NTRK1: variants seen among roughly 807,000 people sequenced by gnomAD.
NTRK1 encodes high affinity nerve growth factor receptor.
In NTRK1, 62 loss-of-function variants were observed where a neutral mutation model predicts 86.8. That is an observed-to-expected ratio of 0.71 (90% CI 0.58 to 0.88). NTRK1 has a LOEUF of 0.88. Ranked by LOEUF, NTRK1 falls within the 40% of genes least tolerant of loss-of-function variation. NTRK1 has a pLI of 0.00. For missense variants in NTRK1, 967 were observed against 1,078.4 expected (o/e 0.90, Z 1.45); for synonymous variants, 469 against 456.6 (o/e 1.03, Z -0.35).
rs569053920 is a variant in NTRK1, at chr1:156,853,905, G to A, written c.51-10449G>A. On this transcript the variant is annotated intron_variant, in intron 2 of 16. Coordinates refer to the NTRK1 transcript ENST00000392302. ...TTGCCCACGATGTGGTTGGCGCCAG[G>A]TGCTGGCTGCAGCAGTCCCCAGTCA... The A allele has an allele frequency of 2.2e-5, 35 of 1,614,158 alleles. No homozygotes were observed. The highest frequency in any genetic ancestry group is 3.0e-5 in the Non-Finnish European group (35 of 1,180,040).
chr1:156,853,772 G>T (rs776212841), intron 2 of NTRK1: 1 of 1,603,384 alleles, frequency 6.2e-7, no homozygotes, highest in Non-Finnish European at 8.5e-7. Context: ...GTGGCTGGAG[G>T]TCCAGCATCT....
At chr1:156,875,965 G>A (rs1647877066) in intron 12 of NTRK1, 115 bp from the exon 13 acceptor site, 4 of 1,507,398 alleles carry the variant, frequency 2.7e-6, no homozygotes, top group African/African-American at 1.4e-5. Context: ...TAGCCCCCAT[G>A]CAGTCCCTCG....
intron 2 of NTRK1, chr1:156,844,571 G>GAA: frequency 6.2e-7 from 1 of 1,614,160 alleles, no homozygotes; most frequent in South Asian, 1.1e-5. Context: ...GGGCCAGGTG[G>GAA]ACTCCCCCAA....
chr1:156,864,971 C>G (rs1198520615), intron 3 of NTRK1, 172 bp downstream of exon 3: 10 of 688,344 alleles, frequency 1.5e-5, no homozygotes, highest in Non-Finnish European at 2.6e-5. Flanking sequence ...GGATGGCATG[C>G]TCTCGCCCCT....
Position 156,860,962 on chromosome 1 carries a change from C to T in NTRK1, c.28C>T (p.Leu10Phe), listed in dbSNP as rs1655615857. Residue 10 changes from leucine (L) to phenylalanine (F), a missense_variant, in exon 1 of 17, where the codon CTT (leucine) becomes TTT (phenylalanine). By Grantham distance (22) the Leu-to-Phe change is conservative. Coordinates refer to ENST00000524377, the MANE Select transcript of NTRK1 (RefSeq NM_002529.4). ...GCTGCGAGGCGGACGGCGCGGGCAG[C>T]TTGGCTGGCACAGCTGGGCTGCGGG... MLRGGRRGQLGWHSWAAGPG... is the reference protein window; with the variant it reads MLRGGRRGQFGWHSWAAGPG... 1 of 1,508,138 alleles carries T rather than the reference C, an allele frequency of 6.6e-7. No homozygotes were observed. The highest frequency in any genetic ancestry group is 8.8e-7 in the Non-Finnish European group (1 of 1,136,268). The allele number at this position is 1,508,138 out of a possible 1,614,324, so 93.4% of individuals were successfully genotyped here.
In NTRK1 at chr1:156,854,288, T is replaced by C. The variant is rs765987467; in HGVS notation, c.51-10066T>C. ...AAGCTCTGCCACCTCTGAGCGAATA[T>C]CCAGGCTGGGGCACACTGTGGGCAT... On this transcript the variant is annotated intron_variant, in intron 2 of 16. Transcript: ENST00000392302. The surrounding 1 kb of genome is among the most constrained non-coding windows in gnomAD (Gnocchi z 4.2). The C allele has an allele frequency of 1.9e-6, 3 of 1,611,650 alleles. No homozygotes were observed. The Middle Eastern group carries it at 5.0e-4, about 267-fold the overall frequency.
At chr1:156,867,076 A>T (rs1327895150) in intron 4 of NTRK1, 98 bp downstream of exon 4, 26 of 1,266,226 alleles carry the variant, frequency 2.1e-5, no homozygotes, top group Non-Finnish European at 2.9e-5. Context: ...TGTCTGTGTG[A>T]CACTGCTGGG....
intron 1 of NTRK1, chr1:156,816,784 A>G: frequency 7.3e-7 from 1 of 1,362,890 alleles, no homozygotes; most frequent in Admixed American, 2.4e-5. Flanking sequence ...TCAGCAACTC[A>G]TCATCTCTCC....
At chr1:156,875,437 G>C in intron 11 of NTRK1, 83 bp from the exon 12 acceptor site, 2 of 1,570,944 alleles carry the variant, frequency 1.3e-6, no homozygotes, top group Non-Finnish European at 1.7e-6. Flanking sequence ...TACAAGGTGG[G>C]GGTGACCAGG....
intron 1 of NTRK1, chr1:156,816,740 G>T (rs374433025): frequency 4.1e-5 from 65 of 1,580,108 alleles, no homozygotes; most frequent in Non-Finnish European, 5.2e-5. Context: ...CCCAGAGCAG[G>T]GTGTGTGTAT....
At chr1:156,832,081 C>T (rs1169888622) in intron 1 of NTRK1, among the ~76,000 whole-genome samples, 1 of 152,166 alleles carries the variant, frequency 6.6e-6, no homozygotes, top group Non-Finnish European at 1.5e-5. Context: ...GGCGACTTCA[C>T]CTGAGGATTG....
intron 1 of NTRK1, among the ~76,000 whole-genome samples, chr1:156,861,732 T>C (rs1207211874): frequency 6.6e-6 from 1 of 152,110 alleles, no homozygotes; most frequent in Non-Finnish European, 1.5e-5. Flanking sequence ...ATCTGGGAAA[T>C]GGGACCCCCT....
At chr1:156,851,703 C>T (rs767529375) in intron 2 of NTRK1, 5 of 1,614,074 alleles carry the variant, frequency 3.1e-6, no homozygotes, top group Non-Finnish European at 4.2e-6. Context: ...CCCACAAGAT[C>T]CTGTGCCGCC....
At position 156,868,650 on chromosome 1, in the gene NTRK1, G is replaced by A; in HGVS notation, c.717+3G>A. On this transcript the variant is annotated splice_donor_region_variant and intron_variant, in intron 6 of 16. Coordinates refer to ENST00000524377, the MANE Select transcript of NTRK1 (RefSeq NM_002529.4). ...TGGAGCAGTCAGCCACGGTGATGGT[G>A]AGAAGACCTTCGCTGGCAGCCCCCA... 1.3e-6 allele frequency: 2 copies of A among 1,550,678 alleles called. No individual in the cohort carries two copies. Among genetic ancestry groups the A allele is most frequent in the Non-Finnish European group, 1.7e-6 (2 of 1,146,994 alleles).
At chr1:156,830,097 C>A (rs911703500) in intron 1 of NTRK1, among the ~76,000 whole-genome samples, 1 of 152,244 alleles carries the variant, frequency 6.6e-6, no homozygotes, top group African/African-American at 2.4e-5. Context: ...CAGCACAGCC[C>A]GTCTGTGGCT....
At chr1:156,870,640 G>A (rs1647500125) in intron 6 of NTRK1, among the ~76,000 whole-genome samples, 1 of 152,124 alleles carries the variant, frequency 6.6e-6, no homozygotes, top group African/African-American at 2.4e-5. Flanking sequence ...GGAAGCCTGG[G>A]GAAACCATAC....
intron 1 of NTRK1, chr1:156,841,533 G>A (rs771886063): frequency 4.3e-6 from 7 of 1,613,836 alleles, no homozygotes; most frequent in African/African-American, 1.3e-5. Flanking sequence ...AAGGACCTGG[G>A]GGCATGCAGG....
In NTRK1 at chr1:156,875,395, C is replaced by A. The variant is rs1647838779; in HGVS notation, c.1355-125C>A. The A allele has an allele frequency of 6.8e-6, 9 of 1,316,822 alleles. No individual in the cohort carries two copies. The South Asian group carries it at 7.1e-5, about 10-fold the overall frequency. The allele number at this position is 1,316,822 out of a possible 1,614,324, so 81.6% of individuals were successfully genotyped here. On this transcript the variant is annotated intron_variant, in intron 11 of 16. Coordinates refer to ENST00000524377, the MANE Select transcript of NTRK1 (RefSeq NM_002529.4). ...CCCCTTCCCCCTGCCTGCTGTCTCG[C>A]TCCCTAGCTTCTCAGTCTCTCCCCT...
intron 2 of NTRK1, chr1:156,845,254 C>G: frequency 6.2e-7 from 1 of 1,611,600 alleles, no homozygotes. Flanking sequence ...TGTTGCCCCC[C>G]AGCCGGAGGG....
Sources: gnomAD v4.1 joint callset for allele counts (sites outside exome capture counted in the v4.1 genomes callset) on GRCh38, gnomAD v4.1.1 for gene constraint, Gnocchi (gnomAD v3.1) non-coding constraint, MANE v1.5 for transcripts, NCBI Gene and HGNC (gene_info 2026-07-23, HGNC 2026-07-21) for gene names.